UBE2L3: variants seen among roughly 807,000 people sequenced by gnomAD.
The protein encoded by UBE2L3 is ubiquitin-conjugating enzyme E2 L3.
Under a neutral mutation model 17.8 loss-of-function variants are expected in UBE2L3, and 1 was observed. The observed-to-expected ratio is 0.06, with a 90% CI of 0.02 to 0.27. UBE2L3 has a LOEUF of 0.27. Ranked by LOEUF, UBE2L3 falls within the 10% of genes least tolerant of loss-of-function variation. The probability of loss-of-function intolerance (pLI) is 1.00; values close to 1 mark genes in which losing one functional copy is unlikely to be tolerated. For synonymous variants in UBE2L3, 44 were observed against 68.5 expected, an observed-to-expected ratio of 0.64 and a Z score of 1.76; for missense variants, 40 against 192.6, an observed-to-expected ratio of 0.21 and a Z score of 4.69.
chr22:21,557,848 T>G (rs745711753), intron 1 of UBE2L3, among the ~76,000 whole-genome samples: 353 of 152,190 alleles, frequency 2.3e-3, no homozygotes, highest in Non-Finnish European at 3.9e-3. Flanking sequence ...GTGTCATTTA[T>G]CAGATTCGAA....
At chr22:21,581,014 G>A (rs1275089860) in intron 1 of UBE2L3, among the ~76,000 whole-genome samples, 2 of 150,036 alleles carry the variant, frequency 1.3e-5, no homozygotes, top group Non-Finnish European at 3.0e-5. Flanking sequence ...TCAGCCTCTT[G>A]GGTAGCTGGG....
At chr22:21,565,093 C>T (rs1298879637), upstream of UBE2L3, among the ~76,000 whole-genome samples, 1 of 151,062 alleles carries the variant, frequency 6.6e-6, no homozygotes, top group Non-Finnish European at 1.5e-5. Context: ...ATATATATAT[C>T]TATATATATA....
At chr22:21,571,865 T>A (rs1256284142) in intron 1 of UBE2L3, among the ~76,000 whole-genome samples, 1 of 152,110 alleles carries the variant, frequency 6.6e-6, no homozygotes, top group Non-Finnish European at 1.5e-5. Context: ...TGAGGTTGGG[T>A]GATTAAGGAG....
chr22:21,618,080 T>C (rs1296908511), intron 3 of UBE2L3, among the ~76,000 whole-genome samples: 2 of 151,860 alleles, frequency 1.3e-5, no homozygotes, highest in East Asian at 1.9e-4. Context: ...ACTGGGGAAG[T>C]TGAGGCAGGA....
At chr22:21,582,019 C>T (rs1387963037) in intron 1 of UBE2L3, among the ~76,000 whole-genome samples, 4 of 150,910 alleles carry the variant, frequency 2.7e-5, no homozygotes, top group Admixed American at 2.0e-4. Context: ...ACTCAGGAGG[C>T]TGAGGCAGGA....
At chr22:21,552,925 C>G (rs1334720577) in intron 1 of UBE2L3, among the ~76,000 whole-genome samples, 1 of 99,892 alleles carries the variant, frequency 1.0e-5, no homozygotes, top group Non-Finnish European at 2.1e-5. Flanking sequence ...TGGGGTTTCA[C>G]CATGTTAACC....
chr22:21,602,549 C>G (rs1341849842), intron 2 of UBE2L3, among the ~76,000 whole-genome samples: 1 of 152,136 alleles, frequency 6.6e-6, no homozygotes, highest in Admixed American at 6.6e-5. Flanking sequence ...TTTTAGGATT[C>G]TTGAAAGGTT....
intron 2 of UBE2L3, among the ~76,000 whole-genome samples, chr22:21,603,467 C>G (rs1928972396): frequency 7.0e-6 from 1 of 142,954 alleles, no homozygotes; most frequent in Non-Finnish European, 1.5e-5. Context: ...GAGGTGGAGG[C>G]TGCAGTGAAC....
chr22:21,617,157 A>G (rs1289903606), intron 3 of UBE2L3, among the ~76,000 whole-genome samples: 1 of 151,790 alleles, frequency 6.6e-6, no homozygotes, highest in Non-Finnish European at 1.5e-5. Context: ...AAAAAAAAAA[A>G]AAAAAAGAAA....
rs189244427 is a variant in UBE2L3, at chr22:21,572,751, C to T, written c.27+4980C>T. On this transcript the variant is annotated intron_variant, in intron 1 of 3. Coordinates refer to ENST00000342192, the MANE Select transcript of UBE2L3 (RefSeq NM_003347.4). ...ACCACTTCCAGAGTTTTCTTGGGAA[C>T]GGCACATAGATCTGTAGGCATCTGA... Among the ~76,000 whole-genome samples, 6 of 152,242 alleles carry T rather than the reference C, an allele frequency of 3.9e-5. No homozygotes were observed. The East Asian group carries it at 1.2e-3, about 29-fold the overall frequency.
intron 1 of UBE2L3, among the ~76,000 whole-genome samples, chr22:21,578,192 C>T (rs1362450858): frequency 6.6e-6 from 1 of 151,718 alleles, no homozygotes; most frequent in Non-Finnish European, 1.5e-5. Context: ...CCTGTCTCTA[C>T]TAAAAATACA....
chr22:21,569,264 C>T (rs563382783), intron 1 of UBE2L3, among the ~76,000 whole-genome samples: 2 of 152,116 alleles, frequency 1.3e-5, no homozygotes, highest in South Asian at 4.2e-4. Flanking sequence ...GGCGTGGTTG[C>T]ATTTGCCTGT....
rs372866959 is a variant in UBE2L3, at chr22:21,586,596, C to G, written c.28-6265C>G. Among the ~76,000 whole-genome samples the G allele has an allele frequency of 3.9e-4, 56 of 143,236 alleles. 1 individual carries two copies. The highest frequency in any genetic ancestry group is 1.4e-3 in the African/African-American group (55 of 38,358). The allele number at this position is 143,236 out of a possible 152,430, so 94.0% of individuals were successfully genotyped here. A position where few individuals can be genotyped will look rare whatever the true frequency, so the allele number is the denominator to read the frequency against. ...TTTTTTTTTTTTTTTTAAACGGAGT[C>G]TTGCTCTGTCACCCAGGCTCAAGTG... On this transcript the variant is annotated intron_variant, in intron 1 of 3. Transcript: ENST00000342192.
intron 2 of UBE2L3, 35 bp from the exon 3 acceptor site, chr22:21,610,822 A>T: frequency 1.3e-6 from 2 of 1,551,542 alleles, no homozygotes; most frequent in South Asian, 2.4e-5. Context: ...TTTATGAACC[A>T]TGGTGTGTTC....
intron 1 of UBE2L3, among the ~76,000 whole-genome samples, chr22:21,571,970 T>C (rs1926992722): frequency 6.6e-6 from 1 of 152,204 alleles, no homozygotes; most frequent in Non-Finnish European, 1.5e-5. Flanking sequence ...ACTGAGGCTT[T>C]GTGAATTGAG....
intron 3 of UBE2L3, among the ~76,000 whole-genome samples, chr22:21,618,473 G>C (rs866353943): frequency 9.2e-5 from 14 of 152,086 alleles, no homozygotes; most frequent in Middle Eastern, 3.4e-3. Flanking sequence ...GCTGAGGCAG[G>C]AGAATGGCAT....
intron 1 of UBE2L3, among the ~76,000 whole-genome samples, chr22:21,588,200 C>G (rs906334693): frequency 5.9e-5 from 9 of 152,192 alleles, no homozygotes; most frequent in African/African-American, 2.2e-4. Context: ...TAACTCTGTT[C>G]TAGAGCTGGG....
At chr22:21,590,151 ATTCTT>A (rs571634074) in intron 1 of UBE2L3, among the ~76,000 whole-genome samples, 161 of 152,130 alleles carry the variant, frequency 1.1e-3, no homozygotes, top group African/African-American at 3.2e-3. Flanking sequence ...TATTTTTATA[ATTCTT>A]GTGAAATTTA....
rs1568964078 is a variant in UBE2L3, at chr22:21,556,437, T to C, written c.201+6787T>C. Among the ~76,000 whole-genome samples the C allele has an allele frequency of 6.6e-5, 10 of 152,368 alleles. 1 individual carries two copies. The East Asian group carries it at 1.9e-3, about 29-fold the overall frequency. On this transcript the variant is annotated intron_variant, in intron 1 of 3. Transcript: ENST00000458578. ...AATAAATTTTAAAATTGTTTTATCA[T>C]TTATTTTTTGGAGACAGGGTCTTGC...
Sources: gnomAD v4.1 joint callset for allele counts (sites outside exome capture counted in the v4.1 genomes callset) on GRCh38, gnomAD v4.1.1 for gene constraint, MANE v1.5 for transcripts, NCBI Gene and HGNC (gene_info 2026-07-23, HGNC 2026-07-21) for gene names.